The following ZNF780B variants were observed in gnomAD, a reference collection of about 807,000 sequenced individuals.
The protein encoded by ZNF780B is zinc finger protein 780B, also known as zinc finger protein 779.
ZNF780B carries 52 observed loss-of-function variants against 74.1 expected under a neutral mutation model. The ratio of observed to expected loss-of-function variants is 0.70; its 90% CI spans 0.56 to 0.88. The LOEUF (loss-of-function observed/expected upper bound fraction) is 0.88, where lower values mean the gene tolerates loss of function less well. ZNF780B is among the 40% of genes least tolerant of loss of function. ZNF780B has a pLI of 0.00. For missense variants in ZNF780B, 953 were observed against 1,007.6 expected, an observed-to-expected ratio of 0.95 and a Z score of 0.73; for synonymous variants, 315 against 324.3, an observed-to-expected ratio of 0.97 and a Z score of 0.31.
intron 4 of ZNF780B, 61 bp downstream of exon 4, chr19:40,047,314 T>A (rs1039962495): frequency 1.6e-5 from 23 of 1,437,442 alleles, no homozygotes; most frequent in Non-Finnish European, 2.3e-5. Flanking sequence ...GACTCCTCTC[T>A]GAGCACATGG....
rs553047857 is a variant in ZNF780B at position 40,032,380 on chromosome 19, T to G, written c.*1977A>C. On this transcript the variant is annotated 3_prime_UTR_variant, in exon 5 of 5. Transcript: ENST00000434248. ...CATGCTACAATACACTAAAGAGAGA[T>G]AACCAAATGCAATGCAGAATCTGCA... 7.6e-6 allele frequency: 3 copies of G among 394,122 alleles called. No homozygotes were observed. Among genetic ancestry groups the G allele is most frequent in the Admixed American group, 3.3e-5 (1 of 29,858 alleles). 24.4% of individuals were successfully genotyped at this position (394,122 alleles called of 1,614,324 possible).
rs1972060103 is a variant in ZNF780B at position 40,032,860 on chromosome 19, T to C, written c.*1497A>G. 6.5e-6 allele frequency: 1 copy of C among 153,386 alleles called. No homozygotes were observed. The highest frequency in any genetic ancestry group is 2.4e-5 in the African/African-American group (1 of 41,454). 9.5% of individuals were successfully genotyped at this position (153,386 alleles called of 1,614,324 possible). On this transcript the variant is annotated 3_prime_UTR_variant, in exon 5 of 5. Transcript: ENST00000434248. ...TTATGGTACTATGGTTATATGATATTGTCTTTATGTTTGGGTAACACACAT... is the reference window on the plus strand; with the variant it reads ...TTATGGTACTATGGTTATATGATATCGTCTTTATGTTTGGGTAACACACAT...
At chr19:40,040,944 T>C (rs569470870) in intron 4 of ZNF780B, among the ~76,000 whole-genome samples, 1 of 152,340 alleles carries the variant, frequency 6.6e-6, no homozygotes, top group Admixed American at 6.5e-5. Context: ...ATTTCTTGCC[T>C]TCTGCTAGCT....
Position 40,047,463 on chromosome 19 carries a change from G to T in ZNF780B, c.144C>A (p.Ser48=). The change falls in exon 4 of 5, where the codon TCC becomes TCA. Residue 48 remains serine, a synonymous_variant. Transcript: ENST00000434248. ...ATGTAATCACATCTGGCTTAGAAAT[G>T]GAACTTCCTGCTTAAAAGAAATAAC... The part of the protein sequence containing the change: ...NYSHLISLGS[S]ISKPDVITLL... 2.5e-6 allele frequency: 4 copies of T among 1,608,408 alleles called. No individual in the cohort carries two copies. The South Asian group carries it at 4.5e-5, about 18-fold the overall frequency.
rs74857889 is a variant in ZNF780B, at chr19:40,037,840, G to A, written c.233-1214C>T. 6.9e-3 allele frequency among the ~76,000 whole-genome samples: 1,017 copies of A among 148,460 alleles called. 5 individuals are homozygous for A. The highest frequency in any genetic ancestry group is 0.012 in the Non-Finnish European group (792 of 67,390). ...TAGACTGCTTCATCTTCCAAGAATCGTCTGGCTTTGCTCTTTGTAACAAAC... is the reference window on the plus strand; with the variant it reads ...TAGACTGCTTCATCTTCCAAGAATCATCTGGCTTTGCTCTTTGTAACAAAC... On this transcript the variant is annotated intron_variant, in intron 4 of 4. Coordinates refer to ENST00000434248, the MANE Select transcript of ZNF780B (RefSeq NM_001005851.3).
At chr19:40,047,532 A>C in intron 3 of ZNF780B, 62 bp from the exon 4 acceptor site, 1 of 1,123,378 alleles carries the variant, frequency 8.9e-7, no homozygotes, top group Non-Finnish European at 1.3e-6. Flanking sequence ...TTAAACCCTG[A>C]GACCTAGTTA....
chr19:40,046,238 TAGA>T (rs910453116), intron 4 of ZNF780B, among the ~76,000 whole-genome samples: 3 of 152,166 alleles, frequency 2.0e-5, no homozygotes, highest in African/African-American at 7.2e-5. Context: ...TCAAAATAGC[TAGA>T]AGACTTGAAA....
chr19:40,028,959 A>T lies in ZNF780B; in HGVS notation c.*5398T>A, dbSNP rs890450931. ...CCTTGGAGAAATAACTGCAGTCCTT[A>T]TTCTAGATAGTCACAGCCAACTATC... On this transcript the variant is annotated 3_prime_UTR_variant, in exon 5 of 5. Transcript: ENST00000434248. 6.6e-6 allele frequency: 1 copy of T among 152,246 alleles called. No homozygotes were observed. Among genetic ancestry groups the T allele is most frequent in the African/African-American group, 2.4e-5 (1 of 41,464 alleles). The allele number at this position is 152,246 out of a possible 1,614,324, so 9.4% of individuals were successfully genotyped here. A position where few individuals can be genotyped will look rare whatever the true frequency, so the allele number is the denominator to read the frequency against.
At chr19:40,054,795 C>T (rs1973407400) in intron 1 of ZNF780B, among the ~76,000 whole-genome samples, 1 of 152,206 alleles carries the variant, frequency 6.6e-6, no homozygotes, top group South Asian at 2.1e-4. Flanking sequence ...AACAAACATT[C>T]CAACCCAGAT....
At position 40,034,102 on chromosome 19, in the gene ZNF780B, G is replaced by A. The variant is rs80228535; in HGVS notation, c.*255C>T. 7.0e-5 allele frequency: 39 copies of A among 557,358 alleles called. No individual in the cohort carries two copies. In the East Asian group the frequency reaches 1.2e-3, roughly 17 times the overall value. 34.5% of individuals were successfully genotyped at this position (557,358 alleles called of 1,614,324 possible). On this transcript the variant is annotated 3_prime_UTR_variant, in exon 5 of 5. Coordinates refer to ENST00000434248, the MANE Select transcript of ZNF780B (RefSeq NM_001005851.3). ...CTTTTCACATTCCTTACATTCATAG[G>A]GTTTCTCATCAGTATGAATTTTAAC...
chr19:40,055,467 T>A (rs944229869), intron 1 of ZNF780B: 1 of 152,184 alleles, frequency 6.6e-6, no homozygotes, highest in African/African-American at 2.4e-5. Flanking sequence ...TCGGTCCTTC[T>A]TTTGGATAAT....
intron 4 of ZNF780B, among the ~76,000 whole-genome samples, chr19:40,038,663 C>T (rs1383182173): frequency 6.6e-6 from 1 of 151,922 alleles, no homozygotes; most frequent in African/African-American, 2.4e-5. Context: ...CTCTGATGGC[C>T]AGTGATGATG....
In ZNF780B at chr19:40,031,762, A is replaced by G. The variant is rs1972010879; in HGVS notation, c.*2595T>C. The G allele has an allele frequency of 4.2e-6, 1 of 237,772 alleles. No individual in the cohort carries two copies. The highest frequency in any genetic ancestry group is 4.8e-5 in the Admixed American group (1 of 20,964). 14.7% of individuals were successfully genotyped at this position (237,772 alleles called of 1,614,324 possible). A position where few individuals can be genotyped will look rare whatever the true frequency, so the allele number is the denominator to read the frequency against. On this transcript the variant is annotated 3_prime_UTR_variant, in exon 5 of 5. Coordinates refer to ENST00000434248, the MANE Select transcript of ZNF780B (RefSeq NM_001005851.3). ...GCTTTAATGGCATTCATTTCTCAAT[A>G]GTCTATTTCAATTTTCATTTTGTAT...
rs1400841187 is a variant in ZNF780B at position 40,036,295 on chromosome 19, A to G, written c.564T>C (p.Thr188=). The change falls in exon 5 of 5, where the codon ACT becomes ACC. Residue 188 remains threonine (T), a synonymous_variant. Coordinates refer to ENST00000434248, the MANE Select transcript of ZNF780B (RefSeq NM_001005851.3). ...SNLIQHQSIH[T]GEKPYKCKEC... ...CTTTGCATTTATAGGGTTTCTCTCC[A>G]GTATGAATACTCTGATGCTGAATAA... The G allele has an allele frequency of 5.9e-5, 96 of 1,613,584 alleles. No homozygotes were observed. The highest frequency in any genetic ancestry group is 7.5e-5 in the Non-Finnish European group (88 of 1,179,916).
chr19:40,040,291 G>A (rs1469588072), intron 4 of ZNF780B, among the ~76,000 whole-genome samples: 1 of 152,192 alleles, frequency 6.6e-6, no homozygotes, highest in Non-Finnish European at 1.5e-5. Context: ...GCTTTTTGAT[G>A]TGCTGCTGGA....
intron 1 of ZNF780B, among the ~76,000 whole-genome samples, chr19:40,051,318 A>G (rs1044767508): frequency 6.6e-6 from 1 of 152,126 alleles, no homozygotes; most frequent in Non-Finnish European, 1.5e-5. Context: ...TTGCGAGGAA[A>G]TTGTTCTCCA....
At chr19:40,044,308 A>G (rs985220466) in intron 4 of ZNF780B, among the ~76,000 whole-genome samples, 1 of 152,212 alleles carries the variant, frequency 6.6e-6, no homozygotes, top group African/African-American at 2.4e-5. Flanking sequence ...GATACAATAC[A>G]AAAAGGTCTT....
intron 4 of ZNF780B, among the ~76,000 whole-genome samples, chr19:40,039,386 G>T (rs1362022556): frequency 6.6e-6 from 1 of 152,150 alleles, no homozygotes; most frequent in Non-Finnish European, 1.5e-5. Context: ...GATTGACTTG[G>T]TGATGCGGGC....
In ZNF780B at chr19:40,035,956, A is replaced by G; in HGVS notation, c.903T>C (p.Asn301=). The change falls in exon 5 of 5, where the codon AAT becomes AAC. Residue 301 remains asparagine, a synonymous_variant. Transcript: ENST00000434248. The part of the protein sequence containing the change: ...NLIQHQKIHS[N]EKPFVCRECE... The stretch of plus-strand genomic sequence containing the variant: ...ATTCCCTACATACAAAGGGTTTCTC[A>G]TTGGAATGAATTTTTTGATGCTGAA... 1 of 1,613,768 alleles carries G rather than the reference A, an allele frequency of 6.2e-7. No individual in the cohort carries two copies.
Sources: gnomAD v4.1 joint callset for allele counts (sites outside exome capture counted in the v4.1 genomes callset) on GRCh38, gnomAD v4.1.1 for gene constraint, MANE v1.5 for transcripts, NCBI Gene and HGNC (gene_info 2026-07-23, HGNC 2026-07-21) for gene names.